Variants in NCAM2 observed in about 807,000 individuals in gnomAD.
NCAM2 encodes the protein neural cell adhesion molecule 2.
In NCAM2, 30 loss-of-function variants were observed where a neutral mutation model predicts 98.1. That is an observed-to-expected ratio of 0.31 (90% CI 0.23 to 0.41). NCAM2 has a LOEUF of 0.41. Ranked by LOEUF, NCAM2 falls within the 10% of genes least tolerant of loss-of-function variation. The pLI is 1.00. For synonymous variants in NCAM2, 368 were observed against 342.4 expected, an observed-to-expected ratio of 1.07 and a Z score of -0.83; for missense variants, 867 against 1,005.8, an observed-to-expected ratio of 0.86 and a Z score of 1.87.
chr21:21,449,324 T>C (rs1023807885), intron 12 of NCAM2, among the ~76,000 whole-genome samples: 2 of 151,576 alleles, frequency 1.3e-5, no homozygotes, highest in South Asian at 2.1e-4. Context: ...TTTATAGGAG[T>C]TTAATCCACG....
At chr21:21,225,786 G>A (rs1418333188) in intron 1 of NCAM2, among the ~76,000 whole-genome samples, 2 of 151,790 alleles carry the variant, frequency 1.3e-5, no homozygotes, top group African/African-American at 2.4e-5. Context: ...TTGGAGTGTG[G>A]CCAACACACC....
intron 1 of NCAM2, among the ~76,000 whole-genome samples, chr21:21,100,021 C>A (rs2066208012): frequency 6.6e-6 from 1 of 151,744 alleles, no homozygotes; most frequent in Non-Finnish European, 1.5e-5. Flanking sequence ...CCTTTCTAAC[C>A]TTTCTACCTT....
intron 16 of NCAM2, among the ~76,000 whole-genome samples, chr21:21,530,159 T>G (rs1467956483): frequency 7.2e-6 from 1 of 138,330 alleles, no homozygotes; most frequent in East Asian, 2.0e-4. Context: ...TTATATATGA[T>G]TTAATTTAAT....
intron 12 of NCAM2, among the ~76,000 whole-genome samples, chr21:21,434,928 C>T (rs1474228124): frequency 1.3e-5 from 2 of 152,154 alleles, no homozygotes; most frequent in Non-Finnish European, 2.9e-5. Flanking sequence ...CTGTCGCTGT[C>T]ACCTGCCCTC....
At chr21:21,410,575 C>A in intron 10 of NCAM2, 114 bp downstream of exon 10, 1 of 551,744 alleles carries the variant, frequency 1.8e-6, no homozygotes, top group Non-Finnish European at 2.8e-6. Flanking sequence ...AGAGAGAAAT[C>A]ATGGTGTATA....
intron 1 of NCAM2, among the ~76,000 whole-genome samples, chr21:21,147,414 A>T (rs960073676): frequency 1.3e-5 from 2 of 151,804 alleles, no homozygotes; most frequent in Admixed American, 6.6e-5. Context: ...ATTTCATTTA[A>T]TTTTTTATTT....
chr21:21,051,247 A>G (rs1169965725), intron 1 of NCAM2, among the ~76,000 whole-genome samples: 2 of 81,956 alleles, frequency 2.4e-5, no homozygotes, highest in African/African-American at 7.5e-5. Flanking sequence ...GCTTCAAGCT[A>G]TGGAAGTCCC....
chr21:21,327,131 C>T lies in NCAM2; in HGVS notation c.737+2631C>T, dbSNP rs566360316. 3.3e-5 allele frequency among the ~76,000 whole-genome samples: 5 copies of T among 152,196 alleles called. No homozygotes were observed. The South Asian group carries it at 1.0e-3, about 32-fold the overall frequency. On this transcript the variant is annotated intron_variant, in intron 6 of 17. Coordinates refer to ENST00000400546, the MANE Select transcript of NCAM2 (RefSeq NM_004540.5). ...TTTGCCTCCCAAAGTGCTGGGATTACAGGCGCAAGCAACCACCAACATGGT... is the reference window on the plus strand; with the variant it reads ...TTTGCCTCCCAAAGTGCTGGGATTATAGGCGCAAGCAACCACCAACATGGT...
chr21:21,466,837 T>C, intron 13 of NCAM2, 112 bp downstream of exon 13: 1 of 1,131,506 alleles, frequency 8.8e-7, no homozygotes, highest in Non-Finnish European at 1.2e-6. Flanking sequence ...ATGAATTATG[T>C]CTTTGGTGAA....
At chr21:21,425,040 CAAAAAAAAAAAAAAA>C (rs1192128472) in intron 11 of NCAM2, among the ~76,000 whole-genome samples, 3 of 43,852 alleles carry the variant, frequency 6.8e-5, no homozygotes, top group East Asian at 5.6e-4. Context: ...CTTCCTCCTC[CAAAAAAAAAAAAAAA>C]AAAAAAAAAA....
intron 1 of NCAM2, among the ~76,000 whole-genome samples, chr21:21,143,640 A>G (rs1327987368): frequency 6.6e-6 from 1 of 152,070 alleles, no homozygotes; most frequent in Non-Finnish European, 1.5e-5. Flanking sequence ...TTAATATTGT[A>G]TCTTTTTATT....
At chr21:21,525,897 A>T (rs1305981421) in intron 16 of NCAM2, among the ~76,000 whole-genome samples, 1 of 152,132 alleles carries the variant, frequency 6.6e-6, no homozygotes, top group Admixed American at 6.5e-5. Context: ...ATAAAGAAAA[A>T]TAATCATAAA....
At chr21:21,399,309 A>G (rs1296424679) in intron 9 of NCAM2, among the ~76,000 whole-genome samples, 1 of 152,220 alleles carries the variant, frequency 6.6e-6, no homozygotes. Flanking sequence ...GGAGTTAGTT[A>G]TGACAGTTCT....
chr21:21,494,857 T>C (rs1319246), intron 15 of NCAM2, among the ~76,000 whole-genome samples: 59,706 of 151,574 alleles, frequency 0.39, 12,932 homozygotes, highest in Middle Eastern at 0.52. Flanking sequence ...TTTAGTACTT[T>C]GTGATATTTA....
intron 1 of NCAM2, among the ~76,000 whole-genome samples, chr21:21,265,445 TACACAC>T (rs35787286): frequency 1.1e-5 from 1 of 89,236 alleles, no homozygotes; most frequent in Admixed American, 1.2e-4. Context: ...ATATTATATA[TACACAC>T]ATATATAATA....
At chr21:21,185,306 T>C (rs2826724) in intron 1 of NCAM2, among the ~76,000 whole-genome samples, 47,873 of 151,920 alleles carry the variant, frequency 0.32, 8,773 homozygotes, top group Non-Finnish European at 0.43. Context: ...TTGAGAGTAG[T>C]TGGAGATTAG....
intron 1 of NCAM2, among the ~76,000 whole-genome samples, chr21:21,048,084 T>C (rs1306635052): frequency 2.0e-5 from 3 of 152,250 alleles, no homozygotes; most frequent in Admixed American, 6.5e-5. Flanking sequence ...CCTTTCCAAA[T>C]CCAGGAGATA....
At chr21:21,389,736 C>T (rs11909403) in intron 9 of NCAM2, among the ~76,000 whole-genome samples, 34,816 of 152,054 alleles carry the variant, frequency 0.23, 4,216 homozygotes, top group South Asian at 0.27. Flanking sequence ...TATATTGCTG[C>T]AAATAATAAG....
Position 21,410,475 on chromosome 21 carries a change from T to C in NCAM2, c.1383+14T>C, listed in dbSNP as rs1372292949. 1 of 1,385,630 alleles carries C rather than the reference T, an allele frequency of 7.2e-7. No individual in the cohort carries two copies. The highest frequency in any genetic ancestry group is 9.7e-7 in the Non-Finnish European group (1 of 1,033,360). 85.8% of individuals were successfully genotyped at this position (1,385,630 alleles called of 1,614,324 possible). On this transcript the variant is annotated intron_variant, in intron 10 of 17. Transcript: ENST00000400546. ...ATGATATTAGAGGTAAGTCCACATG[T>C]ATACATCAATAAATTGTATTATTTT... is the stretch of plus-strand genomic sequence containing the variant.
Sources: allele counts gnomAD v4.1 joint callset (sites outside exome capture counted in the v4.1 genomes callset), GRCh38; gene constraint gnomAD v4.1.1; transcripts MANE v1.5; gene names NCBI Gene and HGNC (gene_info 2026-07-23, HGNC 2026-07-21).